SLC12A8: variants seen among roughly 807,000 people sequenced by gnomAD.
SLC12A8 encodes the protein solute carrier family 12 member 8.
A neutral mutation model predicts 75.6 loss-of-function variants in SLC12A8; 69 were observed. The ratio of observed to expected loss-of-function variants is 0.91; its 90% CI spans 0.75 to 1.11. The LOEUF is 1.11. Among genes scored for constraint, SLC12A8 ranks in the 50% most tolerant of loss-of-function variants. The pLI, the probability that SLC12A8 is intolerant of heterozygous loss-of-function variation, is 0.00. For missense variants in SLC12A8, 877 were observed against 896.7 expected, an observed-to-expected ratio of 0.98 and a Z score of 0.28; for synonymous variants, 365 against 372.8, an observed-to-expected ratio of 0.98 and a Z score of 0.24.
chr3:125,120,520 A>G, intron 7 of SLC12A8, 79 bp downstream of exon 7: 1 of 1,033,574 alleles, frequency 9.7e-7, no homozygotes, highest in South Asian at 1.3e-5. Flanking sequence ...CTCTCAGAAC[A>G]AAAGGGGCAA....
At position 125,083,936 on chromosome 3, in the gene SLC12A8, T is replaced by C; in HGVS notation, c.2099A>G (p.His700Arg). Residue 700 changes from histidine to arginine, a missense_variant, in exon 14 of 14, where the codon CAC becomes CGC. His to Arg is a conservative substitution (Grantham distance 29). Coordinates refer to ENST00000469902, the MANE Select transcript of SLC12A8 (RefSeq NM_024628.6). Reference protein sequence around the residue: ...NADFATRDRYHHSSLVNREQL... With the variant: ...NADFATRDRYRHSSLVNREQL... The stretch of plus-strand genomic sequence containing the variant: ...CTCCCGGTTCACGAGGGAGGAGTGG[T>C]GGTAGCGATCCCGAGTGGCGAAGTC... 6.2e-7 allele frequency: 1 copy of C among 1,613,384 alleles called. No homozygotes were observed. Among genetic ancestry groups the C allele is most frequent in the Non-Finnish European group, 8.5e-7 (1 of 1,179,808 alleles).
At chr3:125,206,288 T>C (rs892417582) in intron 2 of SLC12A8, among the ~76,000 whole-genome samples, 3 of 152,188 alleles carry the variant, frequency 2.0e-5, no homozygotes, top group East Asian at 1.9e-4. Context: ...CAGGGCTGTG[T>C]TCTGGGGCCA....
At chr3:125,102,052 G>C (rs765796518) in intron 10 of SLC12A8, among the ~76,000 whole-genome samples, 1 of 152,114 alleles carries the variant, frequency 6.6e-6, no homozygotes, top group Non-Finnish European at 1.5e-5. Flanking sequence ...ACAAATGTGT[G>C]AACAAATGTG....
intron 10 of SLC12A8, among the ~76,000 whole-genome samples, chr3:125,103,342 T>C (rs1019103754): frequency 6.6e-6 from 1 of 152,032 alleles, no homozygotes; most frequent in Non-Finnish European, 1.5e-5. Flanking sequence ...TATTCACATT[T>C]GGGGGTCCTC....
intron 2 of SLC12A8, among the ~76,000 whole-genome samples, chr3:125,208,451 T>C (rs1579549773): frequency 6.6e-6 from 1 of 151,852 alleles, no homozygotes; most frequent in East Asian, 1.9e-4. Context: ...CTTAGTTTAA[T>C]TATTAGCCAT....
intron 5 of SLC12A8, among the ~76,000 whole-genome samples, chr3:125,137,050 T>C (rs544838462): frequency 6.6e-4 from 101 of 152,218 alleles, no homozygotes; most frequent in Middle Eastern, 3.4e-3. Context: ...TGTCACTCCA[T>C]AGCCAACCCT....
At chr3:125,092,374 G>C (rs1462148803) in intron 10 of SLC12A8, among the ~76,000 whole-genome samples, 176 bp from the exon 11 acceptor site, 1 of 152,180 alleles carries the variant, frequency 6.6e-6, no homozygotes, top group Non-Finnish European at 1.5e-5. Flanking sequence ...CACCAGCCAA[G>C]GATCTGAGAA....
At chr3:125,208,791 C>CACACAG (rs1368605617) in intron 2 of SLC12A8, among the ~76,000 whole-genome samples, 3,089 of 83,746 alleles carry the variant, frequency 0.037, 106 homozygotes, top group Non-Finnish European at 0.057. Context: ...CACACACACA[C>CACACAG]AGAGAGAGAG....
chr3:125,089,864 T>G (rs1938544776), intron 12 of SLC12A8, among the ~76,000 whole-genome samples: 1 of 151,112 alleles, frequency 6.6e-6, no homozygotes, highest in Non-Finnish European at 1.5e-5. Flanking sequence ...GCAAATGATC[T>G]TCTTTTCTAA....
At position 125,088,454 on chromosome 3, in the gene SLC12A8, AC is replaced by A. The variant is rs1419657823; in HGVS notation, c.1922-85del. On this transcript the variant is annotated intron_variant, in intron 12 of 13. Coordinates refer to ENST00000469902, the MANE Select transcript of SLC12A8 (RefSeq NM_024628.6). ...CTCAGTTTTAATAGGGTGAATGCAA[AC>A]CCCAATACACACACACGCACAGAAT... 9.7e-6 allele frequency: 10 copies of A among 1,028,074 alleles called. No homozygotes were observed. The Admixed American group carries it at 1.8e-4, about 19-fold the overall frequency. The allele number at this position is 1,028,074 out of a possible 1,614,324, so 63.7% of individuals were successfully genotyped here. A position where few individuals can be genotyped will look rare whatever the true frequency, so the allele number is the denominator to read the frequency against.
At chr3:125,163,305 C>T (rs816327) in intron 5 of SLC12A8, among the ~76,000 whole-genome samples, 125,194 of 151,370 alleles carry the variant, frequency 0.83, 51,841 homozygotes, top group African/African-American at 0.85. Context: ...GTCTCAAAAA[C>T]AAAAATAATA....
At chr3:125,107,344 A>G (rs1939053203) in intron 10 of SLC12A8, 137 bp downstream of exon 10, 2 of 780,722 alleles carry the variant, frequency 2.6e-6, no homozygotes, top group Non-Finnish European at 4.2e-6. Flanking sequence ...CCTGAATATA[A>G]TGTTTTAAAA....
rs781505043 is a variant in SLC12A8, at chr3:125,110,278, A to G, written c.970T>C (p.Cys324Arg). 5.0e-6 allele frequency: 8 copies of G among 1,614,056 alleles called. No individual in the cohort carries two copies. The highest frequency in any genetic ancestry group is 1.7e-6 in the Non-Finnish European group (2 of 1,179,944). Residue 324 changes from cysteine to arginine, a missense_variant, in exon 9 of 14, where the codon TGC becomes CGC. Transcript: ENST00000469902. ...GGAGCTCCATAAAGTCCTCCCATGCAGGAAGCCAGGGACGAGATGTATAAG... is the reference window on the plus strand; with the variant it reads ...GGAGCTCCATAAAGTCCTCCCATGCGGGAAGCCAGGGACGAGATGTATAAG... ...LGLYISSLAS[C>R]MGGLYGAPRI...
In SLC12A8 at chr3:125,153,127, T is replaced by C. The variant is rs940774610; in HGVS notation, c.623-17345A>G. On this transcript the variant is annotated intron_variant, in intron 5 of 13. Coordinates refer to ENST00000469902, the MANE Select transcript of SLC12A8 (RefSeq NM_024628.6). ...CTGCGCAGATTACGTTTCCTAGGAC[T>C]GTGTCCATCCATCTGCCTCACTGGA... is the stretch of plus-strand genomic sequence containing the variant. 2.6e-5 allele frequency among the ~76,000 whole-genome samples: 4 copies of C among 152,302 alleles called. No individual in the cohort carries two copies. The East Asian group carries it at 5.8e-4, about 22-fold the overall frequency.
In SLC12A8 at chr3:125,110,380, T is replaced by C. The variant is rs753682571; in HGVS notation, c.913-45A>G. ...ATTCGCCAGTGCCAGAACCTGCTCC[T>C]GTGCCTTTCTACCCCCCCAGCACCC... On this transcript the variant is annotated intron_variant, in intron 8 of 13. Coordinates refer to ENST00000469902, the MANE Select transcript of SLC12A8 (RefSeq NM_024628.6). 2.7e-5 allele frequency: 43 copies of C among 1,590,986 alleles called. 1 individual carries two copies. In the South Asian group the frequency reaches 4.7e-4, roughly 17 times the overall value.
intron 12 of SLC12A8, among the ~76,000 whole-genome samples, chr3:125,089,315 G>T (rs1938531599): frequency 1.3e-5 from 2 of 152,084 alleles, no homozygotes; most frequent in Admixed American, 6.5e-5. Flanking sequence ...TTGTCAGAAG[G>T]AAGAAAATAA....
In SLC12A8 at chr3:125,187,342, G is replaced by C. The variant is rs746426336; in HGVS notation, c.285C>G (p.Val95=). The C allele has an allele frequency of 6.2e-7, 1 of 1,614,174 alleles. No individual in the cohort carries two copies. Among genetic ancestry groups the C allele is most frequent in the African/African-American group, 1.3e-5 (1 of 75,040 alleles). ...CGCTGCCGATGCTGCTGCGCTCCCC[G>C]ACGCCAATGCCAGACAGCACCGTGA... is the stretch of plus-strand genomic sequence containing the variant. ...ALVTVLSGIG[V]GERSSIGSGG... Residue 95 remains valine (V), a synonymous_variant, in exon 4 of 14, where the codon GTC becomes GTG. Coordinates refer to ENST00000469902, the MANE Select transcript of SLC12A8 (RefSeq NM_024628.6).
chr3:125,158,499 G>A (rs566710061), intron 5 of SLC12A8, among the ~76,000 whole-genome samples: 1 of 152,178 alleles, frequency 6.6e-6, no homozygotes, highest in Non-Finnish European at 1.5e-5. Flanking sequence ...GGGATTATAG[G>A]TGTGAGCCAC....
chr3:125,110,096 T>C, intron 9 of SLC12A8, 93 bp downstream of exon 9: 1 of 1,318,714 alleles, frequency 7.6e-7, no homozygotes, highest in South Asian at 1.4e-5. Context: ...CCAGAGGCTC[T>C]GATCAGAAAA....
Sources: gnomAD v4.1 joint callset for allele counts (sites outside exome capture counted in the v4.1 genomes callset) on GRCh38, gnomAD v4.1.1 for gene constraint, MANE v1.5 for transcripts, NCBI Gene and HGNC (gene_info 2026-07-23, HGNC 2026-07-21) for gene names.